MMP26: variants seen among roughly 807,000 people sequenced by gnomAD.
MMP26 encodes the protein matrix metalloproteinase-26.
Under a neutral mutation model 31.0 loss-of-function variants are expected in MMP26, and 33 were observed. That is an observed-to-expected ratio of 1.06 (90% CI 0.81 to 1.42). The LOEUF (loss-of-function observed/expected upper bound fraction) is 1.42. Among genes scored for constraint, MMP26 ranks in the 40% most tolerant of loss-of-function variants. MMP26 has a pLI of 0.00. For missense variants in MMP26, 347 were observed against 316.1 expected (o/e 1.10, Z -0.74); for synonymous variants, 122 against 114.9 (o/e 1.06, Z -0.40).
chr11:4,916,335 A>C (rs1851091101), intron 2 of MMP26, among the ~76,000 whole-genome samples: 1 of 151,310 alleles, frequency 6.6e-6, no homozygotes, highest in African/African-American at 2.4e-5. Context: ...AAGAAGTGAG[A>C]GTTTCCTCAT....
rs776845448 is a variant in MMP26 at position 4,914,967 on chromosome 11, T to C, written c.-144-73101T>C. Reference sequence around the variant, plus strand: ...TTGAATCTCTCAGCCCTGGAGGCGATGGACAGCACGGTGCGCAGGATCAGA... The same window carrying C: ...TTGAATCTCTCAGCCCTGGAGGCGACGGACAGCACGGTGCGCAGGATCAGA... On this transcript the variant is annotated intron_variant, in intron 2 of 7. Transcript: ENST00000380390. 15 of 1,614,112 alleles carry C rather than the reference T, an allele frequency of 9.3e-6. No individual in the cohort carries two copies. In the Admixed American group the frequency reaches 2.0e-4, roughly 22 times the overall value.
intron 2 of MMP26, among the ~76,000 whole-genome samples, chr11:4,776,450 T>G (rs1848791868): frequency 6.6e-6 from 1 of 151,964 alleles, no homozygotes. Flanking sequence ...CTCCCCAACA[T>G]GTGTTATTTT....
At chr11:4,848,245 C>A in intron 2 of MMP26, 1 of 1,602,390 alleles carries the variant, frequency 6.2e-7, no homozygotes, top group Non-Finnish European at 8.5e-7. Context: ...ACTCACTGAG[C>A]ACCACCCACC....
chr11:4,797,337 G>A (rs531754289), intron 2 of MMP26, among the ~76,000 whole-genome samples: 6 of 152,208 alleles, frequency 3.9e-5, no homozygotes, highest in East Asian at 3.9e-4. Context: ...TTGGTAACTC[G>A]AGCCACATCC....
At chr11:4,717,797 C>G (rs1431745844) in intron 1 of MMP26, among the ~76,000 whole-genome samples, 1 of 152,134 alleles carries the variant, frequency 6.6e-6, no homozygotes, top group Non-Finnish European at 1.5e-5. Flanking sequence ...TTTAGTAACT[C>G]ATCATGTGGT....
At chr11:4,809,161 A>G (rs7119051) in intron 2 of MMP26, among the ~76,000 whole-genome samples, 10,674 of 152,080 alleles carry the variant, frequency 0.07, 749 homozygotes, top group African/African-American at 0.19. Context: ...TTTCTCCCCA[A>G]CACTGCTTTT....
At chr11:4,957,496 C>CT (rs889212245) in intron 2 of MMP26, among the ~76,000 whole-genome samples, 66 of 151,994 alleles carry the variant, frequency 4.3e-4, no homozygotes, top group Admixed American at 8.5e-4. Context: ...TGTTGTAAAA[C>CT]TTTTTTTTAT....
At chr11:4,831,272 T>C (rs1240181860) in intron 2 of MMP26, among the ~76,000 whole-genome samples, 1 of 152,148 alleles carries the variant, frequency 6.6e-6, no homozygotes, top group African/African-American at 2.4e-5. Flanking sequence ...ACTGGCCATC[T>C]AAGTCATGAG....
At chr11:4,740,186 TC>T (rs139959936) in intron 1 of MMP26, among the ~76,000 whole-genome samples, 26,389 of 152,030 alleles carry the variant, frequency 0.17, 2,768 homozygotes, top group African/African-American at 0.3. Flanking sequence ...AGATCCTTAT[TC>T]ATCAGATAAT....
At chr11:4,758,018 G>C (rs1848525564) in intron 1 of MMP26, among the ~76,000 whole-genome samples, 1 of 152,086 alleles carries the variant, frequency 6.6e-6, no homozygotes, top group Admixed American at 6.6e-5. Context: ...TACCAAAGAG[G>C]AATGAAAGCA....
intron 2 of MMP26, among the ~76,000 whole-genome samples, chr11:4,906,751 T>A (rs1031000386): frequency 3.3e-5 from 5 of 152,174 alleles, no homozygotes; most frequent in Non-Finnish European, 7.3e-5. Flanking sequence ...TTTTACTGAT[T>A]CAAAGCAGCT....
At chr11:4,756,137 A>T (rs1457078575) in intron 1 of MMP26, among the ~76,000 whole-genome samples, 1 of 152,110 alleles carries the variant, frequency 6.6e-6, no homozygotes, top group Non-Finnish European at 1.5e-5. Context: ...ATAATAAAAT[A>T]CTAAAAAATA....
chr11:4,777,469 T>G (rs1261550487), intron 2 of MMP26, among the ~76,000 whole-genome samples: 1 of 152,134 alleles, frequency 6.6e-6, no homozygotes, highest in African/African-American at 2.4e-5. Context: ...TGTAAGTAAT[T>G]CTTTTATTGA....
chr11:4,865,832 G>A (rs1850226900), intron 2 of MMP26, among the ~76,000 whole-genome samples: 2 of 152,270 alleles, frequency 1.3e-5, no homozygotes, highest in South Asian at 2.1e-4. Flanking sequence ...AGTAGCCTGA[G>A]TTTGCAAGCA....
rs577428859 is a variant in MMP26 at position 4,799,370 on chromosome 11, G to C, written c.-145+32029G>C. 1.1e-4 allele frequency among the ~76,000 whole-genome samples: 17 copies of C among 148,574 alleles called. No homozygotes were observed. The South Asian group carries it at 1.5e-3, about 13-fold the overall frequency. ...TAAGAATGGGAGCAGGAGAGAGAAGGGGGGGGTCTCAGGCTCTATTAAACA... is the reference window on the plus strand; with the variant it reads ...TAAGAATGGGAGCAGGAGAGAGAAGCGGGGGGTCTCAGGCTCTATTAAACA... On this transcript the variant is annotated intron_variant, in intron 2 of 7. Coordinates refer to ENST00000380390, the MANE Select transcript of MMP26 (RefSeq NM_021801.5).
chr11:4,962,782 T>C (rs2133622606), intron 2 of MMP26, among the ~76,000 whole-genome samples: 1 of 152,300 alleles, frequency 6.6e-6, no homozygotes, highest in East Asian at 1.9e-4. Context: ...GGCATGCATT[T>C]TAATCACTTG....
At chr11:4,913,870 T>G (rs1851030543) in intron 2 of MMP26, 1 of 152,170 alleles carries the variant, frequency 6.6e-6, no homozygotes, top group Non-Finnish European at 1.5e-5. Flanking sequence ...TACATTTCCC[T>G]TAAGGCTATT....
intron 2 of MMP26, among the ~76,000 whole-genome samples, chr11:4,834,080 C>T (rs1299026237): frequency 2.0e-5 from 3 of 152,138 alleles, no homozygotes; most frequent in Non-Finnish European, 4.4e-5. Flanking sequence ...AGGCCCCTCA[C>T]GTTTTTCTGG....
At chr11:4,756,798 A>G (rs1046248292) in intron 1 of MMP26, 1 of 149,206 alleles carries the variant, frequency 6.7e-6, no homozygotes, top group Non-Finnish European at 1.5e-5. Flanking sequence ...CGCTGCAAGT[A>G]TAATGTTAAA....
Sources: allele counts gnomAD v4.1 joint callset (sites outside exome capture counted in the v4.1 genomes callset), GRCh38; gene constraint gnomAD v4.1.1; transcripts MANE v1.5; gene names NCBI Gene and HGNC (gene_info 2026-07-23, HGNC 2026-07-21).